The following LURAP1L variants were observed in gnomAD, a reference collection of about 807,000 sequenced individuals.
The protein encoded by LURAP1L is leucine rich adaptor protein 1 like.
In LURAP1L, 12 loss-of-function variants were observed where a neutral mutation model predicts 13.8. That is an observed-to-expected ratio of 0.87 (90% CI 0.56 to 1.41). LURAP1L has a LOEUF of 1.41. Among genes scored for constraint, LURAP1L ranks in the 40% most tolerant of loss-of-function variants. The probability of loss-of-function intolerance (pLI) is 0.00; values close to 1 mark genes in which losing one functional copy is unlikely to be tolerated. For synonymous variants in LURAP1L, 139 were observed against 119.2 expected, an observed-to-expected ratio of 1.17 and a Z score of -1.08; for missense variants, 375 against 292.9, an observed-to-expected ratio of 1.28 and a Z score of -2.04.
At chr9:12,778,009 T>C (rs1819215802) in intron 1 of LURAP1L, among the ~76,000 whole-genome samples, 2 of 152,336 alleles carry the variant, frequency 1.3e-5, no homozygotes, top group South Asian at 4.1e-4. Flanking sequence ...ATTAAGACTT[T>C]ACTTTTTTGA....
intron 1 of LURAP1L, among the ~76,000 whole-genome samples, chr9:12,801,537 AT>A (rs1819585623): frequency 6.6e-6 from 1 of 152,180 alleles, no homozygotes; most frequent in Non-Finnish European, 1.5e-5. Context: ...TATTAGATCA[AT>A]TTCATTAAAC....
chr9:12,805,939 T>C (rs1404940386), intron 1 of LURAP1L, among the ~76,000 whole-genome samples: 2 of 151,880 alleles, frequency 1.3e-5, no homozygotes, highest in African/African-American at 4.8e-5. Context: ...GGAGCGACAA[T>C]GAAACAAACC....
chr9:12,792,383 A>G (rs1042403835), intron 1 of LURAP1L, among the ~76,000 whole-genome samples: 1 of 152,144 alleles, frequency 6.6e-6, no homozygotes, highest in Non-Finnish European at 1.5e-5. Flanking sequence ...ATTATTTTGC[A>G]TTGTACATAT....
intron 1 of LURAP1L, among the ~76,000 whole-genome samples, chr9:12,790,095 G>A (rs767065698): frequency 1.4e-4 from 22 of 152,122 alleles, no homozygotes; most frequent in African/African-American, 4.8e-4. Context: ...TCTTTCTGCA[G>A]TTAAGTCATG....
intron 1 of LURAP1L, among the ~76,000 whole-genome samples, chr9:12,788,148 G>GAAAGAAAGAAAGAAAGA (rs146580464): frequency 8.5e-6 from 1 of 117,330 alleles, no homozygotes; most frequent in Non-Finnish European, 1.7e-5. Flanking sequence ...GAAAGAGAAA[G>GAAAGAAAGAAAGAAAGA]AAGAAAGAAA....
chr9:12,802,806 T>A (rs1819604856), intron 1 of LURAP1L, among the ~76,000 whole-genome samples: 1 of 152,138 alleles, frequency 6.6e-6, no homozygotes, highest in African/African-American at 2.4e-5. Flanking sequence ...CATGAATGCC[T>A]CCAAATTACC....
At chr9:12,790,404 A>G (rs1819424174) in intron 1 of LURAP1L, among the ~76,000 whole-genome samples, 1 of 151,988 alleles carries the variant, frequency 6.6e-6, no homozygotes, top group African/African-American at 2.4e-5. Flanking sequence ...TCCTGCTTCT[A>G]TTTTTTTGTG....
At chr9:12,800,026 C>T (rs1819563018) in intron 1 of LURAP1L, among the ~76,000 whole-genome samples, 1 of 152,108 alleles carries the variant, frequency 6.6e-6, no homozygotes, top group African/African-American at 2.4e-5. Context: ...CTTTTACATT[C>T]TCTTTTTGGG....
intron 1 of LURAP1L, chr9:12,777,102 G>T: frequency 2.6e-6 from 1 of 380,966 alleles, no homozygotes; most frequent in Non-Finnish European, 3.6e-6. Flanking sequence ...TAGGCTAGGA[G>T]ATTTCTATCA....
chr9:12,792,487 C>T (rs1430157823), intron 1 of LURAP1L, among the ~76,000 whole-genome samples: 4 of 152,060 alleles, frequency 2.6e-5, no homozygotes, highest in Non-Finnish European at 5.9e-5. Flanking sequence ...ATGAATGTAA[C>T]ATTTGCAGCA....
At chr9:12,794,314 C>T (rs1221999650) in intron 1 of LURAP1L, among the ~76,000 whole-genome samples, 1 of 151,966 alleles carries the variant, frequency 6.6e-6, no homozygotes, top group African/African-American at 2.4e-5. Flanking sequence ...TGCTTTCTGT[C>T]TTAAGACAAA....
In LURAP1L at chr9:12,821,797, T is replaced by G; in HGVS notation, c.*37T>G. On this transcript the variant is annotated 3_prime_UTR_variant, in exon 2 of 2. Coordinates refer to ENST00000319264, the MANE Select transcript of LURAP1L (RefSeq NM_203403.2). ...TGCATGGGACTGGTGTGCAATGAAC[T>G]TGTATTTATCCTTCTTCTCCGCTGC... 6.3e-7 allele frequency: 1 copy of G among 1,575,554 alleles called. No individual in the cohort carries two copies. Among genetic ancestry groups the G allele is most frequent in the Middle Eastern group, 1.7e-4 (1 of 5,858 alleles).
intron 1 of LURAP1L, among the ~76,000 whole-genome samples, chr9:12,814,848 A>T (rs2118545078): frequency 6.6e-6 from 1 of 152,330 alleles, no homozygotes; most frequent in Non-Finnish European, 1.5e-5. Context: ...GTTCAGTTCC[A>T]CATATAAACA....
intron 1 of LURAP1L, among the ~76,000 whole-genome samples, chr9:12,796,707 A>C (rs1586880554): frequency 6.6e-6 from 1 of 151,956 alleles, no homozygotes; most frequent in African/African-American, 2.4e-5. Flanking sequence ...TTTAAAAAAG[A>C]GTGCATAAAT....
chr9:12,805,001 A>T (rs1819637912), intron 1 of LURAP1L, among the ~76,000 whole-genome samples: 1 of 152,174 alleles, frequency 6.6e-6, no homozygotes, highest in Admixed American at 6.5e-5. Flanking sequence ...AAGATTAACT[A>T]ATGTCTTCAT....
At chr9:12,818,020 T>C (rs1049134254) in intron 1 of LURAP1L, among the ~76,000 whole-genome samples, 6 of 151,750 alleles carry the variant, frequency 4.0e-5, no homozygotes, top group East Asian at 1.9e-4. Flanking sequence ...GGGTTAGACA[T>C]AGTTGAATCT....
intron 1 of LURAP1L, among the ~76,000 whole-genome samples, chr9:12,801,137 C>A (rs1819580048): frequency 6.6e-6 from 1 of 151,792 alleles, no homozygotes; most frequent in Admixed American, 6.6e-5. Flanking sequence ...AAATAATTTC[C>A]CAGTGAGTTG....
chr9:12,806,171 A>G (rs1420971273), intron 1 of LURAP1L, among the ~76,000 whole-genome samples: 1 of 152,180 alleles, frequency 6.6e-6, no homozygotes, highest in Non-Finnish European at 1.5e-5. Context: ...ACACAAATAT[A>G]GAGGGAACAT....
Position 12,775,767 on chromosome 9 carries a change from C to G in LURAP1L, c.52C>G (p.Arg18Gly). The change falls in exon 1 of 2, where the codon CGC becomes GGC. Residue 18 changes from arginine (R) to glycine (G), a missense_variant. Coordinates refer to ENST00000319264, the MANE Select transcript of LURAP1L (RefSeq NM_203403.2). ...CAGAGACATCGAGCTGAAGCTGGGG[C>G]GCAAAGTACCCGAGAGTCTAGTGCG... ...DLRDIELKLGRKVPESLVRSL... is the reference protein window; with the variant it reads ...DLRDIELKLGGKVPESLVRSL... The G allele has an allele frequency of 6.2e-7, 1 of 1,607,328 alleles. No homozygotes were observed. The highest frequency in any genetic ancestry group is 2.2e-5 in the East Asian group (1 of 44,746).
Sources: allele counts gnomAD v4.1 joint callset (sites outside exome capture counted in the v4.1 genomes callset), GRCh38; gene constraint gnomAD v4.1.1; transcripts MANE v1.5; gene names NCBI Gene and HGNC (gene_info 2026-07-23, HGNC 2026-07-21).